RPL10A: variants seen among roughly 807,000 people sequenced by gnomAD.
RPL10A encodes the protein large ribosomal subunit protein uL1.
Under a neutral mutation model 24.6 loss-of-function variants are expected in RPL10A, and 11 were observed. The ratio of observed to expected loss-of-function variants is 0.45; its 90% CI spans 0.28 to 0.74. The LOEUF (loss-of-function observed/expected upper bound fraction) is 0.74. Ranked by LOEUF, RPL10A falls within the 30% of genes least tolerant of loss-of-function variation. RPL10A has a pLI of 0.13. For missense variants in RPL10A, 136 were observed against 273.1 expected (o/e 0.50, Z 3.54); for synonymous variants, 98 against 108.5 (o/e 0.90, Z 0.60).
Position 35,468,993 on chromosome 6 carries a change from C to T in RPL10A, c.127C>T (p.Pro43Ser), listed in dbSNP as rs1406904826. The T allele has an allele frequency of 6.2e-7, 1 of 1,613,500 alleles. No individual in the cohort carries two copies. The change falls in exon 3 of 6, where the codon CCC (proline) becomes TCC (serine). Residue 43 changes from proline (P) to serine (S), a missense_variant. Transcript: ENST00000322203. ...GCAGATCAGCTTGAAGAACTATGAT[C>T]CCCAGAAGGACAAGCGCTTCTCGGG... ...ELQISLKNYD[P>S]QKDKRFSGTV...
At position 35,470,495 on chromosome 6, in the gene RPL10A, G is replaced by A. The variant is rs1220335641; in HGVS notation, c.484-85G>A. The A allele has an allele frequency of 2.0e-6, 3 of 1,506,058 alleles. No individual in the cohort carries two copies. Among genetic ancestry groups the A allele is most frequent in the Non-Finnish European group, 2.7e-6 (3 of 1,099,040 alleles). 93.3% of individuals were successfully genotyped at this position (1,506,058 alleles called of 1,614,324 possible). A position where few individuals can be genotyped will look rare whatever the true frequency, so the allele number is the denominator to read the frequency against. On this transcript the variant is annotated intron_variant, in intron 5 of 5. Coordinates refer to ENST00000322203, the MANE Select transcript of RPL10A (RefSeq NM_007104.5). This position sits in a 1 kb window ranked among gnomAD's most constrained non-coding sequence, Gnocchi z 4.6. ...GGTCTTGGCCCGGGTCCAAGTACCT[G>A]CTCACCAGGCCACTGGGGGAGGAAG...
chr6:35,469,908 G>A (rs1412268277), intron 4 of RPL10A, among the ~76,000 whole-genome samples: 5 of 152,176 alleles, frequency 3.3e-5, no homozygotes, highest in Non-Finnish European at 7.3e-5. Context: ...AGCCCAGGCA[G>A]TCTTGACCAG....
Position 35,468,834 on chromosome 6 carries a change from T to A in RPL10A, c.41T>A (p.Val14Glu), listed in dbSNP as rs1331551188. 2 of 1,610,748 alleles carry A rather than the reference T, an allele frequency of 1.2e-6. No individual in the cohort carries two copies. The highest frequency in any genetic ancestry group is 1.7e-6 in the Non-Finnish European group (2 of 1,178,744). Residue 14 changes from valine (V) to glutamate (E), a missense_variant, in exon 2 of 6, where the codon GTG becomes GAG. This residue lies in a region of RPL10A where 88 missense variants were observed against 149.2 expected (regional missense o/e 0.59). Coordinates refer to ENST00000322203, the MANE Select transcript of RPL10A (RefSeq NM_007104.5). The stretch of plus-strand genomic sequence containing the variant: ...TCTCGCGACACCCTGTACGAGGCGG[T>A]GCGGGAAGTCCTGCACGGGAACCAG... ...KVSRDTLYEAVREVLHGNQRK... is the reference protein window; with the variant it reads ...KVSRDTLYEAEREVLHGNQRK...
Position 35,468,449 on chromosome 6 carries a change from T to G in RPL10A, c.5+10T>G. ...CGTGAGAAGCCATGAGGTGAGTTGG[T>G]CCTGAAAGCCCTATCCGCGTTCATC... On this transcript the variant is annotated intron_variant, in intron 1 of 5. Coordinates refer to ENST00000322203, the MANE Select transcript of RPL10A (RefSeq NM_007104.5). 4 of 1,613,986 alleles carry G rather than the reference T, an allele frequency of 2.5e-6. No individual in the cohort carries two copies. Among genetic ancestry groups the G allele is most frequent in the Non-Finnish European group, 2.5e-6 (3 of 1,179,904 alleles).
intron 1 of RPL10A, 64 bp from the exon 2 acceptor site, chr6:35,468,735 C>T (rs1767922946): frequency 1.3e-6 from 2 of 1,549,884 alleles, no homozygotes; most frequent in African/African-American, 1.4e-5. Context: ...ACCTCGGAGG[C>T]TTCCAGGCAG....
rs766532506 is a variant in RPL10A, at chr6:35,470,501, C to G, written c.484-79C>G. The G allele has an allele frequency of 6.6e-7, 1 of 1,518,306 alleles. No individual in the cohort carries two copies. The highest frequency in any genetic ancestry group is 1.2e-5 in the South Asian group (1 of 81,604). The allele number at this position is 1,518,306 out of a possible 1,614,324, so 94.1% of individuals were successfully genotyped here. Reference sequence around the variant, plus strand: ...GGCCCGGGTCCAAGTACCTGCTCACCAGGCCACTGGGGGAGGAAGGACAGG... The same window carrying G: ...GGCCCGGGTCCAAGTACCTGCTCACGAGGCCACTGGGGGAGGAAGGACAGG... On this transcript the variant is annotated intron_variant, in intron 5 of 5. Coordinates refer to ENST00000322203, the MANE Select transcript of RPL10A (RefSeq NM_007104.5). This position sits in a 1 kb window ranked among gnomAD's most constrained non-coding sequence, Gnocchi z 4.6.
In RPL10A at chr6:35,469,676, T is replaced by C. The variant is rs139064372; in HGVS notation, c.310+147T>C. 2.7e-3 allele frequency: 2,514 copies of C among 941,924 alleles called. 40 individuals are homozygous for C. The African/African-American group carries it at 0.037, about 14-fold the overall frequency. 58.3% of individuals were successfully genotyped at this position (941,924 alleles called of 1,614,324 possible). A position where few individuals can be genotyped will look rare whatever the true frequency, so the allele number is the denominator to read the frequency against. On this transcript the variant is annotated intron_variant, in intron 4 of 5. Transcript: ENST00000322203. ...TGCCTAGCTTGCCTGAGTGCTGTTT[T>C]AGCTTTGGGGTGGTTTGATGTTTGT...
At position 35,468,708 on chromosome 6, in the gene RPL10A, C is replaced by A. The variant is rs1306843428; in HGVS notation, c.6-91C>A. 4.6e-6 allele frequency: 7 copies of A among 1,537,514 alleles called. No individual in the cohort carries two copies. The South Asian group carries it at 8.4e-5, about 18-fold the overall frequency. On this transcript the variant is annotated intron_variant, in intron 1 of 5. Coordinates refer to ENST00000322203, the MANE Select transcript of RPL10A (RefSeq NM_007104.5). ...GGGGGAGTCCGCCGTGGGCCGCCCG[C>A]CCGTCTCGAAGCCTAGACCTCGGAG...
chr6:35,469,271 A>T lies in RPL10A; in HGVS notation c.162-110A>T, dbSNP rs1013508099. The T allele has an allele frequency of 4.0e-6, 6 of 1,506,452 alleles. No individual in the cohort carries two copies. In the African/African-American group the frequency reaches 7.0e-5, roughly 18 times the overall value. 93.3% of individuals were successfully genotyped at this position (1,506,452 alleles called of 1,614,324 possible). ...GAGAAGCCAGGCTGGCTGCTGGTGA[A>T]TGTGAACGCTCCGGGTAAGGCTCGG... On this transcript the variant is annotated intron_variant, in intron 3 of 5. Coordinates refer to ENST00000322203, the MANE Select transcript of RPL10A (RefSeq NM_007104.5).
chr6:35,469,076 C>G lies in RPL10A; in HGVS notation c.161+49C>G, dbSNP rs555256027. 7.5e-6 allele frequency: 12 copies of G among 1,604,264 alleles called. No homozygotes were observed. The African/African-American group carries it at 1.6e-4, about 21-fold the overall frequency. ...CAGCCCTCAGTGCCCCCGTGCTTGCCCCTCCCCTGCAGGCTCCCGCTGAGC... is the reference window on the plus strand; with the variant it reads ...CAGCCCTCAGTGCCCCCGTGCTTGCGCCTCCCCTGCAGGCTCCCGCTGAGC... On this transcript the variant is annotated intron_variant, in intron 3 of 5. Coordinates refer to ENST00000322203, the MANE Select transcript of RPL10A (RefSeq NM_007104.5).
In RPL10A at chr6:35,468,991, A is replaced by AT; in HGVS notation, c.126dup (p.Pro43SerfsTer14). Reference sequence around the variant, plus strand: ...TTGCAGATCAGCTTGAAGAACTATGATCCCCAGAAGGACAAGCGCTTCTCG... The same window carrying AT: ...TTGCAGATCAGCTTGAAGAACTATGATTCCCCAGAAGGACAAGCGCTTCTCG... On this transcript the variant is annotated frameshift_variant, in exon 3 of 6. Transcript: ENST00000322203. LOFTEE classifies it high-confidence loss of function. The AT allele has an allele frequency of 6.2e-7, 1 of 1,613,350 alleles. No homozygotes were observed. Among genetic ancestry groups the AT allele is most frequent in the Non-Finnish European group, 8.5e-7 (1 of 1,179,896 alleles).
chr6:35,468,503 C>G lies in RPL10A; in HGVS notation c.5+64C>G, dbSNP rs1337145064. ...GCCTTCAGGTGCCCCGCCGAGGGTT[C>G]GGATCCTGTAGGCCGCGCCGCGGAC... On this transcript the variant is annotated intron_variant, in intron 1 of 5. Transcript: ENST00000322203. 9.3e-6 allele frequency: 15 copies of G among 1,610,956 alleles called. No individual in the cohort carries two copies. In the African/African-American group the frequency reaches 1.4e-4, roughly 15 times the overall value.
chr6:35,469,658 C>G, intron 4 of RPL10A, 129 bp downstream of exon 4: 2 of 1,102,614 alleles, frequency 1.8e-6, no homozygotes, highest in South Asian at 3.2e-5. Flanking sequence ...GGTTGCCTAG[C>G]TTGCCTGAGT....
chr6:35,469,493 AAAC>A lies in RPL10A; in HGVS notation c.275_277del (p.Lys92_Leu93delinsIle). 6.2e-7 allele frequency: 1 copy of A among 1,614,042 alleles called. No homozygotes were observed. The highest frequency in any genetic ancestry group is 8.5e-7 in the Non-Finnish European group (1 of 1,179,970). On this transcript the variant is annotated inframe_deletion, in exon 4 of 6. Coordinates refer to ENST00000322203, the MANE Select transcript of RPL10A (RefSeq NM_007104.5). ...CCACATGGACATCGAGGCGCTGAAAAAACTCAACAAGAATAAAAAACTGGTCAA... is the reference window on the plus strand; with the variant it reads ...CCACATGGACATCGAGGCGCTGAAAATCAACAAGAATAAAAAACTGGTCAA...
In RPL10A at chr6:35,470,488, A is replaced by G. The variant is rs963524546; in HGVS notation, c.484-92A>G. ...TAACCCTGGTCTTGGCCCGGGTCCA[A>G]GTACCTGCTCACCAGGCCACTGGGG... is the stretch of plus-strand genomic sequence containing the variant. On this transcript the variant is annotated intron_variant, in intron 5 of 5. Coordinates refer to ENST00000322203, the MANE Select transcript of RPL10A (RefSeq NM_007104.5). This position sits in a 1 kb window ranked among gnomAD's most constrained non-coding sequence, Gnocchi z 4.6. 2.7e-6 allele frequency: 4 copies of G among 1,501,870 alleles called. No individual in the cohort carries two copies. Among genetic ancestry groups the G allele is most frequent in the South Asian group, 2.5e-5 (2 of 79,988 alleles). 93.0% of individuals were successfully genotyped at this position (1,501,870 alleles called of 1,614,324 possible). A position where few individuals can be genotyped will look rare whatever the true frequency, so the allele number is the denominator to read the frequency against.
At position 35,468,856 on chromosome 6, in the gene RPL10A, C is replaced by T; in HGVS notation, c.63C>T (p.Asn21=). 6.2e-7 allele frequency: 1 copy of T among 1,612,502 alleles called. No homozygotes were observed. Among genetic ancestry groups the T allele is most frequent in the Non-Finnish European group, 8.5e-7 (1 of 1,179,380 alleles). ...CGGTGCGGGAAGTCCTGCACGGGAA[C>T]CAGCGCAAGCGCCGCAAGTGAGTGC... is the stretch of plus-strand genomic sequence containing the variant. ...YEAVREVLHG[N]QRKRRKFLET... Residue 21 remains asparagine (N), a synonymous_variant, in exon 2 of 6, where the codon AAC becomes AAT. Coordinates refer to ENST00000322203, the MANE Select transcript of RPL10A (RefSeq NM_007104.5).
chr6:35,468,405 TC>T lies in RPL10A; in HGVS notation c.-29del, dbSNP rs753309142. ...AGCGCATGCGCAAGACATGCTAGTC[TC>T]TTTTCCGGTTAGCGCGGCGTGAGAA... On this transcript the variant is annotated 5_prime_UTR_variant, in exon 1 of 6. Transcript: ENST00000322203. The T allele has an allele frequency of 5.6e-6, 9 of 1,614,064 alleles. No homozygotes were observed. In the South Asian group the frequency reaches 9.9e-5, roughly 18 times the overall value.
At chr6:35,469,991 A>G (rs1767991872) in intron 4 of RPL10A, among the ~76,000 whole-genome samples, 188 bp from the exon 5 acceptor site, 1 of 152,148 alleles carries the variant, frequency 6.6e-6, no homozygotes, top group Non-Finnish European at 1.5e-5. Context: ...TTTTGGGACC[A>G]GTGAAGGTCC....
chr6:35,468,471 C>G, intron 1 of RPL10A, 32 bp downstream of exon 1: 1 of 1,613,882 alleles, frequency 6.2e-7, no homozygotes, highest in Non-Finnish European at 8.5e-7. Flanking sequence ...TATCCGCGTT[C>G]ATCCGCGCCT....
Sources: allele counts gnomAD v4.1 joint callset (sites outside exome capture counted in the v4.1 genomes callset), GRCh38; gene constraint gnomAD v4.1.1; regional missense constraint gnomAD v4.1.1; non-coding constraint Gnocchi (gnomAD v3.1); transcripts MANE v1.5; gene names NCBI Gene and HGNC (gene_info 2026-07-23, HGNC 2026-07-21).